Variants in GRIN2A observed in about 807,000 individuals in gnomAD.
The protein encoded by GRIN2A is glutamate ionotropic receptor NMDA type subunit 2A.
A neutral mutation model predicts 113.4 loss-of-function variants in GRIN2A; 22 were observed. That is an observed-to-expected ratio of 0.19 (90% CI 0.14 to 0.28). The LOEUF (loss-of-function observed/expected upper bound fraction) is 0.28. GRIN2A is among the 10% of genes least tolerant of loss of function. The probability of loss-of-function intolerance (pLI) is 1.00; values close to 1 mark genes in which losing one functional copy is unlikely to be tolerated. For synonymous variants in GRIN2A, 827 were observed against 738.4 expected (o/e 1.12, Z -1.94); for missense variants, 1,502 against 1,887.0 (o/e 0.80, Z 3.78).
chr16:10,154,991 A>T (rs1268524537), intron 2 of GRIN2A, among the ~76,000 whole-genome samples: 1 of 152,236 alleles, frequency 6.6e-6, no homozygotes, highest in Non-Finnish European at 1.5e-5. Context: ...GCAGGAAATA[A>T]GTTTAAACCG....
At chr16:9,770,781 AG>A (rs1301674787) in intron 11 of GRIN2A, among the ~76,000 whole-genome samples, 3 of 152,182 alleles carry the variant, frequency 2.0e-5, no homozygotes, top group Admixed American at 2.0e-4. Context: ...AAAAGTTAAT[AG>A]ATTTTATTTT....
chr16:9,861,531 G>C (rs112361795), intron 4 of GRIN2A, among the ~76,000 whole-genome samples: 3,173 of 152,258 alleles, frequency 0.021, 108 homozygotes, highest in African/African-American at 0.068. Context: ...ACCAAAAGCA[G>C]ATCTAAATGT....
At chr16:9,894,478 C>G (rs1165679720) in intron 3 of GRIN2A, among the ~76,000 whole-genome samples, 1 of 152,070 alleles carries the variant, frequency 6.6e-6, no homozygotes, top group Non-Finnish European at 1.5e-5. Flanking sequence ...TTCCTTCTCC[C>G]CTTTGATGTT....
chr16:9,871,723 T>A lies in GRIN2A; in HGVS notation c.1122+19263A>T, dbSNP rs1179619955. On this transcript the variant is annotated intron_variant, in intron 4 of 12. Transcript: ENST00000330684. ...TTGTAGTGAACATAAAATGTGGTAA[T>A]GTACATAAAGTGGTTGGCTCAGGAC... is the stretch of plus-strand genomic sequence containing the variant. Among the ~76,000 whole-genome samples the A allele has an allele frequency of 8.5e-5, 13 of 152,312 alleles. No individual in the cohort carries two copies. In the South Asian group the frequency reaches 1.7e-3, roughly 19 times the overall value.
chr16:10,035,807 T>C (rs1018057257), intron 2 of GRIN2A, among the ~76,000 whole-genome samples: 1 of 151,322 alleles, frequency 6.6e-6, no homozygotes, highest in Non-Finnish European at 1.5e-5. Context: ...CACTGCAAAC[T>C]CTGCCTCCTG....
chr16:10,105,392 T>A (rs2142123706), intron 2 of GRIN2A, among the ~76,000 whole-genome samples: 1 of 152,212 alleles, frequency 6.6e-6, no homozygotes, highest in African/African-American at 2.4e-5. Context: ...AAGAGAGTTG[T>A]GGACTTTTGA....
intron 2 of GRIN2A, among the ~76,000 whole-genome samples, chr16:9,943,818 C>A (rs1227558548): frequency 6.6e-6 from 1 of 152,202 alleles, no homozygotes; most frequent in Non-Finnish European, 1.5e-5. Context: ...AAAGAATAAC[C>A]TATGCATTGT....
chr16:9,901,447 T>C (rs1430530548), intron 3 of GRIN2A, among the ~76,000 whole-genome samples: 1 of 152,166 alleles, frequency 6.6e-6, no homozygotes, highest in Admixed American at 6.6e-5. Context: ...ACGATATTAT[T>C]TGGGGAAAAT....
chr16:10,105,136 ATGGAAG>A (rs56841779), intron 2 of GRIN2A, among the ~76,000 whole-genome samples: 2 of 125,364 alleles, frequency 1.6e-5, no homozygotes, highest in African/African-American at 6.4e-5. Flanking sequence ...TTCTCTAGAG[ATGGAAG>A]CCTGGAGAAG....
chr16:9,981,795 G>C (rs1252214854), intron 2 of GRIN2A, among the ~76,000 whole-genome samples: 1 of 152,056 alleles, frequency 6.6e-6, no homozygotes, highest in Non-Finnish European at 1.5e-5. Context: ...ATTTATTTAT[G>C]TATTTATTTT....
intron 2 of GRIN2A, among the ~76,000 whole-genome samples, chr16:9,973,266 G>C (rs2045709324): frequency 6.6e-6 from 1 of 152,156 alleles, no homozygotes; most frequent in Non-Finnish European, 1.5e-5. Context: ...CAGGCAGGAA[G>C]GGTGTTTGTT....
chr16:10,042,254 T>G lies in GRIN2A; in HGVS notation c.415-103703A>C, dbSNP rs142478181. ...TGCTTGGCAACTCTCTTCTCATGAA[T>G]GGAGTGGGGGACAAAAGACAGTGTG... On this transcript the variant is annotated intron_variant, in intron 2 of 12. Coordinates refer to ENST00000330684, the MANE Select transcript of GRIN2A (RefSeq NM_001134407.3). Among the ~76,000 whole-genome samples the G allele has an allele frequency of 1.5e-3, 227 of 152,320 alleles. 3 individuals carry two copies. Among genetic ancestry groups the G allele is most frequent in the African/African-American group, 5.3e-3 (222 of 41,574 alleles).
At chr16:10,099,514 C>T (rs1181447550) in intron 2 of GRIN2A, among the ~76,000 whole-genome samples, 1 of 152,084 alleles carries the variant, frequency 6.6e-6, no homozygotes, top group Non-Finnish European at 1.5e-5. Flanking sequence ...GTTCCCCTGG[C>T]TCAAAGAAAA....
intron 2 of GRIN2A, among the ~76,000 whole-genome samples, chr16:10,052,955 G>A (rs948916546): frequency 2.0e-5 from 3 of 151,820 alleles, no homozygotes; most frequent in African/African-American, 7.3e-5. Context: ...GGCTGAGGCA[G>A]GAGAATGGCT....
At chr16:9,903,549 C>A (rs1333546954) in intron 3 of GRIN2A, among the ~76,000 whole-genome samples, 1 of 152,184 alleles carries the variant, frequency 6.6e-6, no homozygotes, top group Admixed American at 6.5e-5. Context: ...GGACAATAAG[C>A]CAGGCCACAA....
Position 9,758,222 on chromosome 16 carries a change from G to T in GRIN2A, c.*4927C>A, listed in dbSNP as rs1250254477. 1 of 221,996 alleles carries T rather than the reference G, an allele frequency of 4.5e-6. No individual in the cohort carries two copies. Among genetic ancestry groups the T allele is most frequent in the African/African-American group, 2.2e-5 (1 of 44,680 alleles). 13.8% of individuals were successfully genotyped at this position (221,996 alleles called of 1,614,324 possible). Reference sequence around the variant, plus strand: ...CTGAAAGTACTGCTGGGCACAGAAAGAGTGCAGGTGAGGAAAGAGGATAAG... The same window carrying T: ...CTGAAAGTACTGCTGGGCACAGAAATAGTGCAGGTGAGGAAAGAGGATAAG... On this transcript the variant is annotated 3_prime_UTR_variant, in exon 13 of 13. Transcript: ENST00000330684.
At chr16:10,005,831 A>G (rs1216020973) in intron 2 of GRIN2A, among the ~76,000 whole-genome samples, 1 of 152,230 alleles carries the variant, frequency 6.6e-6, no homozygotes, top group African/African-American at 2.4e-5. Context: ...GTTTTCATCC[A>G]GTGAAATGAC....
chr16:9,762,655 C>G lies in GRIN2A; in HGVS notation c.*494G>C. On this transcript the variant is annotated 3_prime_UTR_variant, in exon 13 of 13. Coordinates refer to ENST00000330684, the MANE Select transcript of GRIN2A (RefSeq NM_001134407.3). Reference sequence around the variant, plus strand: ...AAACTTCCTAATCTCTTGCACATGTCAATCGCACTACAGTGCAGATGCATT... The same window carrying G: ...AAACTTCCTAATCTCTTGCACATGTGAATCGCACTACAGTGCAGATGCATT... 4.0e-6 allele frequency: 1 copy of G among 249,180 alleles called. No individual in the cohort carries two copies. Among genetic ancestry groups the G allele is most frequent in the East Asian group, 5.8e-5 (1 of 17,280 alleles). 15.4% of individuals were successfully genotyped at this position (249,180 alleles called of 1,614,324 possible).
chr16:10,179,179 C>T (rs922353410), intron 2 of GRIN2A, among the ~76,000 whole-genome samples: 3 of 152,174 alleles, frequency 2.0e-5, no homozygotes, highest in African/African-American at 4.8e-5. Flanking sequence ...CATTCAGAGC[C>T]AACTGATTTT....
Sources: gnomAD v4.1 joint callset for allele counts (sites outside exome capture counted in the v4.1 genomes callset) on GRCh38, gnomAD v4.1.1 for gene constraint, MANE v1.5 for transcripts, NCBI Gene and HGNC (gene_info 2026-07-23, HGNC 2026-07-21) for gene names.